SGMS2: variants seen among roughly 807,000 people sequenced by gnomAD.
The protein encoded by SGMS2 is phosphatidylcholine:ceramide cholinephosphotransferase 2.
A neutral mutation model predicts 43.8 loss-of-function variants in SGMS2; 21 were observed. The ratio of observed to expected loss-of-function variants is 0.48; its 90% CI spans 0.34 to 0.69. The LOEUF (loss-of-function observed/expected upper bound fraction) is 0.69. SGMS2 is among the 30% of genes least tolerant of loss of function. SGMS2 has a pLI of 0.01. For synonymous variants in SGMS2, 167 were observed against 160.6 expected (o/e 1.04, Z -0.30); for missense variants, 384 against 443.2 (o/e 0.87, Z 1.20).
intron 2 of SGMS2, among the ~76,000 whole-genome samples, chr4:107,870,189 A>G (rs944012568): frequency 2.6e-5 from 4 of 152,176 alleles, no homozygotes; most frequent in African/African-American, 9.7e-5. Context: ...TAGTGGATGG[A>G]TTGGATCCAT....
At chr4:107,882,614 G>T (rs1560657990) in intron 2 of SGMS2, among the ~76,000 whole-genome samples, 2 of 152,064 alleles carry the variant, frequency 1.3e-5, no homozygotes, top group East Asian at 1.9e-4. Flanking sequence ...ATTTCTTAGG[G>T]TTGTTATAGT....
At chr4:107,827,295 A>G (rs1419843834) in intron 1 of SGMS2, among the ~76,000 whole-genome samples, 1 of 152,232 alleles carries the variant, frequency 6.6e-6, no homozygotes, top group Non-Finnish European at 1.5e-5. Context: ...GTATGCAACA[A>G]CTACATAACA....
intron 2 of SGMS2, among the ~76,000 whole-genome samples, chr4:107,860,256 C>T (rs1313914005): frequency 6.6e-6 from 1 of 152,012 alleles, no homozygotes; most frequent in African/African-American, 2.4e-5. Flanking sequence ...AGTACTAAGA[C>T]ACTTTCCTCA....
intron 1 of SGMS2, among the ~76,000 whole-genome samples, chr4:107,834,689 A>G (rs983188872): frequency 2.0e-5 from 3 of 152,214 alleles, no homozygotes; most frequent in African/African-American, 7.2e-5. Flanking sequence ...GTAAAGGGCT[A>G]TAGGCTCTTA....
In SGMS2 at chr4:107,848,679, A is replaced by G. The variant is rs562328616; in HGVS notation, c.-326-9793A>G. On this transcript the variant is annotated intron_variant, in intron 1 of 6. Coordinates refer to ENST00000690982, the MANE Select transcript of SGMS2 (RefSeq NM_001375905.1). The stretch of plus-strand genomic sequence containing the variant: ...TGCATATGATATTGAGCATCTTTTC[A>G]TATAATTTTTTGTCATCTATATGTC... 3.3e-5 allele frequency among the ~76,000 whole-genome samples: 5 copies of G among 152,208 alleles called. No homozygotes were observed. The Middle Eastern group carries it at 0.014, about 417-fold the overall frequency.
chr4:107,885,773 A>G (rs1260410212), intron 2 of SGMS2, among the ~76,000 whole-genome samples: 2 of 152,238 alleles, frequency 1.3e-5, no homozygotes, highest in Non-Finnish European at 2.9e-5. Flanking sequence ...TTTACAAATT[A>G]AAAACACAGT....
chr4:107,879,139 C>A (rs191839894), intron 2 of SGMS2, among the ~76,000 whole-genome samples: 2 of 147,282 alleles, frequency 1.4e-5, no homozygotes, highest in African/African-American at 5.0e-5. Flanking sequence ...AGAAATAGAC[C>A]GATTTTCCCC....
chr4:107,890,373 G>A (rs533897307), intron 2 of SGMS2, among the ~76,000 whole-genome samples: 1 of 152,056 alleles, frequency 6.6e-6, no homozygotes, highest in East Asian at 1.9e-4. Flanking sequence ...CAACTGAGAA[G>A]AAAAAATTTA....
intron 1 of SGMS2, among the ~76,000 whole-genome samples, chr4:107,845,414 T>C (rs1239788163): frequency 6.6e-6 from 1 of 152,240 alleles, no homozygotes; most frequent in Non-Finnish European, 1.5e-5. Flanking sequence ...AGGTGTGCTC[T>C]GCACCTTCCT....
intron 2 of SGMS2, among the ~76,000 whole-genome samples, chr4:107,859,872 T>C (rs1392330847): frequency 1.3e-5 from 2 of 152,060 alleles, no homozygotes; most frequent in Non-Finnish European, 2.9e-5. Context: ...ATTTAATCAC[T>C]GCAGAATTTT....
intron 1 of SGMS2, among the ~76,000 whole-genome samples, chr4:107,828,204 CTT>C (rs36084430): frequency 2.0e-5 from 3 of 152,236 alleles, no homozygotes; most frequent in Admixed American, 6.5e-5. Context: ...TCTGCCCCCT[CTT>C]TATATTTTGC....
chr4:107,871,321 T>C (rs1466152996), intron 2 of SGMS2, among the ~76,000 whole-genome samples: 1 of 152,208 alleles, frequency 6.6e-6, no homozygotes, highest in Non-Finnish European at 1.5e-5. Context: ...TTTTCCCATT[T>C]TATTTCTGTC....
chr4:107,901,080 A>C (rs1057342445), intron 4 of SGMS2, among the ~76,000 whole-genome samples: 4 of 152,184 alleles, frequency 2.6e-5, no homozygotes, highest in Non-Finnish European at 5.9e-5. Context: ...GAAAGAAAGT[A>C]AATTAAAGAT....
intron 5 of SGMS2, among the ~76,000 whole-genome samples, chr4:107,904,877 C>T (rs772089286): frequency 6.4e-4 from 98 of 152,118 alleles, no homozygotes; most frequent in Non-Finnish European, 5.6e-4. Flanking sequence ...TATGTAAGAT[C>T]AGTCATTTTC....
At chr4:107,828,448 A>G (rs1413586548) in intron 1 of SGMS2, among the ~76,000 whole-genome samples, 6 of 152,300 alleles carry the variant, frequency 3.9e-5, no homozygotes, top group Admixed American at 1.3e-4. Flanking sequence ...TTCATTCTCT[A>G]TGTTCCAACT....
At chr4:107,854,931 G>A (rs1727336726) in intron 1 of SGMS2, among the ~76,000 whole-genome samples, 1 of 152,078 alleles carries the variant, frequency 6.6e-6, no homozygotes. Flanking sequence ...TCCTCCTGAG[G>A]AACAAAATAT....
intron 1 of SGMS2, among the ~76,000 whole-genome samples, chr4:107,829,808 C>T (rs1451503188): frequency 6.6e-6 from 1 of 151,526 alleles, no homozygotes; most frequent in Admixed American, 6.6e-5. Flanking sequence ...TGCCTGGACT[C>T]AAGCGATCCT....
At chr4:107,876,978 A>G (rs1388634134) in intron 2 of SGMS2, among the ~76,000 whole-genome samples, 1 of 152,162 alleles carries the variant, frequency 6.6e-6, no homozygotes, top group Admixed American at 6.5e-5. Flanking sequence ...ATTAACTCCA[A>G]TATAAGTCTT....
intron 1 of SGMS2, among the ~76,000 whole-genome samples, chr4:107,850,461 G>A (rs1373078497): frequency 6.6e-6 from 1 of 152,090 alleles, no homozygotes; most frequent in Non-Finnish European, 1.5e-5. Context: ...TTTTCCTATA[G>A]CAAGCTTTAG....
Sources: gnomAD v4.1 joint callset for allele counts (sites outside exome capture counted in the v4.1 genomes callset) on GRCh38, gnomAD v4.1.1 for gene constraint, MANE v1.5 for transcripts, NCBI Gene and HGNC (gene_info 2026-07-23, HGNC 2026-07-21) for gene names.